DNM1: variants seen among roughly 807,000 people sequenced by gnomAD.
DNM1 encodes dynamin-1.
DNM1 carries 29 observed loss-of-function variants against 104.6 expected under a neutral mutation model. The observed-to-expected ratio is 0.28, with a 90% CI of 0.21 to 0.38. DNM1 has a LOEUF of 0.38. Ranked by LOEUF, DNM1 falls within the 10% of genes least tolerant of loss-of-function variation. DNM1 has a pLI of 1.00. For synonymous variants in DNM1, 445 were observed against 475.8 expected, an observed-to-expected ratio of 0.94 and a Z score of 0.84; for missense variants, 640 against 1,189.4, an observed-to-expected ratio of 0.54 and a Z score of 6.79.
At chr9:128,233,600 C>CT (rs1835827209) in intron 10 of DNM1, 1 of 172,168 alleles carries the variant, frequency 5.8e-6, no homozygotes, top group South Asian at 1.4e-4. Flanking sequence ...GATTCCCCAT[C>CT]TAGCTGTCCC....
intron 16 of DNM1, 70 bp downstream of exon 16, chr9:128,246,573 A>T (rs1836828486): frequency 1.7e-6 from 2 of 1,169,642 alleles, no homozygotes; most frequent in East Asian, 4.8e-5. Flanking sequence ...AGCTGGGTAC[A>T]GGGATCCAGG....
rs535527521 is a variant in DNM1 at position 128,218,730 on chromosome 9, C to T, written c.384C>T (p.His128=). The T allele has an allele frequency of 5.0e-6, 8 of 1,598,014 alleles. No homozygotes were observed. The highest frequency in any genetic ancestry group is 1.7e-4 in the Middle Eastern group (1 of 5,998). ...TCAACCTCCGCGTCTACTCGCCGCACGGTGAGGACCCTGGCCCCGCCCTAA... is the reference window on the plus strand; with the variant it reads ...TCAACCTCCGCGTCTACTCGCCGCATGGTGAGGACCCTGGCCCCGCCCTAA... ...VPINLRVYSP[H]VLNLTLVDLP... is the part of the protein sequence containing the mutation. Residue 128 remains histidine (H), a splice_region_variant and synonymous_variant, in exon 3 of 22, where the codon CAC becomes CAT. Coordinates refer to ENST00000372923, the MANE Select transcript of DNM1 (RefSeq NM_004408.4). This position sits in a 1 kb window ranked among gnomAD's most constrained non-coding sequence, Gnocchi z 4.8.
intron 1 of DNM1, among the ~76,000 whole-genome samples, chr9:128,209,314 T>G (rs1052407703): frequency 1.3e-5 from 2 of 151,956 alleles, no homozygotes; most frequent in African/African-American, 4.8e-5. Context: ...CAGCATCTGA[T>G]CTCGGCGCCA....
At chr9:128,215,219 C>T (rs1338463896) in intron 1 of DNM1, among the ~76,000 whole-genome samples, 2 of 152,214 alleles carry the variant, frequency 1.3e-5, no homozygotes, top group African/African-American at 4.8e-5. Flanking sequence ...ATGTAGGATT[C>T]GATGAAGGAG....
chr9:128,237,124 G>T (rs1189552970), intron 11 of DNM1, among the ~76,000 whole-genome samples: 6 of 152,224 alleles, frequency 3.9e-5, no homozygotes, highest in Non-Finnish European at 7.3e-5. Context: ...AAGCTCACAG[G>T]AAGCAGTGGG....
At chr9:128,235,632 A>C (rs1395444081) in intron 11 of DNM1, among the ~76,000 whole-genome samples, 1 of 152,234 alleles carries the variant, frequency 6.6e-6, no homozygotes, top group African/African-American at 2.4e-5. Flanking sequence ...ATGAGTGTAC[A>C]AATCCCTATC....
At chr9:128,249,204 AAAAG>A (rs1242169666) in intron 19 of DNM1, among the ~76,000 whole-genome samples, 79 of 147,148 alleles carry the variant, frequency 5.4e-4, no homozygotes, top group African/African-American at 1.8e-3. Flanking sequence ...AAAAAAAAAA[AAAAG>A]AAGAAGAAAT....
chr9:128,236,199 C>T (rs907434057), intron 11 of DNM1, among the ~76,000 whole-genome samples: 1 of 152,194 alleles, frequency 6.6e-6, no homozygotes, highest in Non-Finnish European at 1.5e-5. Context: ...CTGAACGCTA[C>T]CTCTGAGCTG....
chr9:128,239,567 CGTGT>C lies in DNM1; in HGVS notation c.1493+99_1493+102del, dbSNP rs34036148. The C allele has an allele frequency of 0.09, 78,185 of 872,418 alleles. 835 individuals carry two copies. Among genetic ancestry groups the C allele is most frequent in the East Asian group, 0.13 (4,984 of 36,970 alleles). The allele number at this position is 872,418 out of a possible 1,614,324, so 54.0% of individuals were successfully genotyped here. A position where few individuals can be genotyped will look rare whatever the true frequency, so the allele number is the denominator to read the frequency against. On this transcript the variant is annotated intron_variant, in intron 12 of 21. Transcript: ENST00000372923. ...AGTGCTCCCTGGGCAGAGAAGGTAA[CGTGT>C]GTGTGTGTGTGTGTGTGTGTGTGTG...
At chr9:128,217,334 C>A (rs1352223336) in intron 1 of DNM1, among the ~76,000 whole-genome samples, 1 of 152,210 alleles carries the variant, frequency 6.6e-6, no homozygotes, top group Admixed American at 6.5e-5. Context: ...GTAATAACAG[C>A]ACCTGCCTCA....
At chr9:128,213,764 A>G (rs1165228122) in intron 1 of DNM1, among the ~76,000 whole-genome samples, 4 of 152,164 alleles carry the variant, frequency 2.6e-5, no homozygotes, top group Non-Finnish European at 4.4e-5. Context: ...AGTCTGCTAC[A>G]TGCCAGACCC....
At chr9:128,214,961 A>G (rs1223007845) in intron 1 of DNM1, among the ~76,000 whole-genome samples, 1 of 152,236 alleles carries the variant, frequency 6.6e-6, no homozygotes, top group Non-Finnish European at 1.5e-5. Flanking sequence ...ACAGAGGGCT[A>G]AAGTGGGACA....
In DNM1 at chr9:128,246,125, G is replaced by A. The variant is rs529729927; in HGVS notation, c.1672-269G>A. 6.7e-3 allele frequency among the ~76,000 whole-genome samples: 1,014 copies of A among 152,252 alleles called. 13 individuals carry two copies. Among genetic ancestry groups the A allele is most frequent in the African/African-American group, 0.023 (961 of 41,530 alleles). Reference sequence around the variant, plus strand: ...CTTGTATCCAGGACTTGCCTGGGGAGGGATTTTGGGAGCCACTCTCAGCCT... The same window carrying A: ...CTTGTATCCAGGACTTGCCTGGGGAAGGATTTTGGGAGCCACTCTCAGCCT... On this transcript the variant is annotated intron_variant, in intron 15 of 21. Transcript: ENST00000372923.
chr9:128,219,533 G>A (rs1359975844), intron 4 of DNM1, among the ~76,000 whole-genome samples: 1 of 152,046 alleles, frequency 6.6e-6, no homozygotes, highest in East Asian at 1.9e-4. Flanking sequence ...GCCGGGCACC[G>A]TGGTGCACGC....
intron 12 of DNM1, 52 bp downstream of exon 12, chr9:128,239,567 C>T (rs549242982): frequency 4.4e-5 from 39 of 882,468 alleles, no homozygotes; most frequent in East Asian, 2.9e-4. Flanking sequence ...GAGAAGGTAA[C>T]GTGTGTGTGT....
intron 19 of DNM1, among the ~76,000 whole-genome samples, chr9:128,249,289 C>T (rs970230393): frequency 3.3e-5 from 5 of 152,018 alleles, no homozygotes; most frequent in African/African-American, 1.2e-4. Flanking sequence ...GCAGGAGGAT[C>T]ACTTGAGCCC....
Position 128,247,307 on chromosome 9 carries a change from C to A in DNM1, c.1782-68C>A. 2.7e-6 allele frequency: 3 copies of A among 1,112,176 alleles called. No individual in the cohort carries two copies. Among genetic ancestry groups the A allele is most frequent in the South Asian group, 1.4e-5 (1 of 70,516 alleles). The allele number at this position is 1,112,176 out of a possible 1,614,324, so 68.9% of individuals were successfully genotyped here. ...AGGCATGTTGACCCCAAAGTCTGGG[C>A]ATGCCCTTAACCCCCAGGGAGGGTC... On this transcript the variant is annotated intron_variant, in intron 16 of 21. Transcript: ENST00000372923. This position sits in a 1 kb window ranked among gnomAD's most constrained non-coding sequence, Gnocchi z 5.1.
In DNM1 at chr9:128,248,922, G is replaced by A. The variant is rs564163506; in HGVS notation, c.2076+169G>A. The stretch of plus-strand genomic sequence containing the variant: ...GAAATATCATGAGGGGCTGGGCGCG[G>A]TGGCTCACACCTGTAATCCCAGCAC... On this transcript the variant is annotated intron_variant, in intron 19 of 21. Coordinates refer to ENST00000372923, the MANE Select transcript of DNM1 (RefSeq NM_004408.4). This position sits in a 1 kb window ranked among gnomAD's most constrained non-coding sequence, Gnocchi z 5.6. Among the ~76,000 whole-genome samples the A allele has an allele frequency of 8.5e-5, 13 of 152,324 alleles. No homozygotes were observed. The highest frequency in any genetic ancestry group is 2.9e-4 in the African/African-American group (12 of 41,564).
In DNM1 at chr9:128,239,997, G is replaced by T. The variant is rs1230944082; in HGVS notation, c.1557+1G>T. On this transcript the variant is annotated splice_donor_variant, in intron 14 of 21. Transcript: ENST00000372923. LOFTEE classifies it high-confidence loss of function. ...TACCTCTTTGCAGGATGAGATTCTG[G>T]TGAGTACCAGGACTGGGGCTCTCGG... 1 of 1,614,150 alleles carries T rather than the reference G, an allele frequency of 6.2e-7. No homozygotes were observed. Among genetic ancestry groups the T allele is most frequent in the Admixed American group, 1.7e-5 (1 of 60,018 alleles).
Sources: gnomAD v4.1 joint callset for allele counts (sites outside exome capture counted in the v4.1 genomes callset) on GRCh38, gnomAD v4.1.1 for gene constraint, Gnocchi (gnomAD v3.1) non-coding constraint, MANE v1.5 for transcripts, NCBI Gene and HGNC (gene_info 2026-07-23, HGNC 2026-07-21) for gene names.